The following SKI variants were observed in gnomAD, a reference collection of about 807,000 sequenced individuals.
SKI encodes the protein SKI proto-oncogene, also known as ski oncogene.
Under a neutral mutation model 59.3 loss-of-function variants are expected in SKI, and 23 were observed. That is an observed-to-expected ratio of 0.39 (90% CI 0.28 to 0.55). The LOEUF is 0.55. Ranked by LOEUF, SKI falls within the 20% of genes least tolerant of loss-of-function variation. The pLI is 0.67. For missense variants in SKI, 1,017 were observed against 1,038.9 expected, an observed-to-expected ratio of 0.98 and a Z score of 0.29; for synonymous variants, 673 against 488.6, an observed-to-expected ratio of 1.38 and a Z score of -4.98.
chr1:2,233,192 C>T (rs1448075634), intron 1 of SKI, among the ~76,000 whole-genome samples: 1 of 150,140 alleles, frequency 6.7e-6, no homozygotes, highest in African/African-American at 2.5e-5. Flanking sequence ...AAGGGGGGGT[C>T]CTGCTCCGAG....
intron 1 of SKI, among the ~76,000 whole-genome samples, chr1:2,235,602 G>C (rs1638735710): frequency 6.6e-6 from 1 of 152,244 alleles, no homozygotes; most frequent in Admixed American, 6.5e-5. Flanking sequence ...TGGTTTCACT[G>C]TGTGGTACTT....
chr1:2,292,730 G>A (rs1640190542), intron 1 of SKI, among the ~76,000 whole-genome samples: 1 of 152,230 alleles, frequency 6.6e-6, no homozygotes, highest in African/African-American at 2.4e-5. Flanking sequence ...CTCTGCCTGT[G>A]CCCCTGCTGG....
chr1:2,263,506 G>A (rs746520001), intron 1 of SKI, among the ~76,000 whole-genome samples: 58 of 151,848 alleles, frequency 3.8e-4, no homozygotes, highest in Non-Finnish European at 7.7e-4. Flanking sequence ...CAAAGTGCTG[G>A]GATTACAGGC....
intron 1 of SKI, among the ~76,000 whole-genome samples, chr1:2,298,385 G>T (rs1366474121): frequency 2.0e-5 from 3 of 152,142 alleles, no homozygotes; most frequent in Non-Finnish European, 2.9e-5. Flanking sequence ...CATCATCATG[G>T]CTGCTGCTGT....
chr1:2,303,959 A>G lies in SKI; in HGVS notation c.1331A>G (p.Glu444Gly). ...PCAAAVSRAP[E>G]PLATCTQPRK... ...GCCGCCGCCGTCTCCCGGGCCCCCGAGCCTCTCGCCACTTGCACCCAGCCT... is the reference window on the plus strand; with the variant it reads ...GCCGCCGCCGTCTCCCGGGCCCCCGGGCCTCTCGCCACTTGCACCCAGCCT... The change falls in exon 4 of 7, where the codon GAG becomes GGG. Residue 444 changes from glutamate (E) to glycine (G), a missense_variant. By Grantham distance (98) the Glu-to-Gly change is moderately conservative. Transcript: ENST00000378536. The surrounding 1 kb of genome is among the most constrained non-coding windows in gnomAD (Gnocchi z 5.6). The G allele has an allele frequency of 6.2e-7, 1 of 1,612,122 alleles. No homozygotes were observed. The highest frequency in any genetic ancestry group is 8.5e-7 in the Non-Finnish European group (1 of 1,179,698).
chr1:2,242,824 A>G (rs1266981184), intron 1 of SKI, among the ~76,000 whole-genome samples: 1 of 152,022 alleles, frequency 6.6e-6, no homozygotes, highest in African/African-American at 2.4e-5. Flanking sequence ...TATTTTTCGT[A>G]ATTGGATTTT....
At chr1:2,287,320 G>A (rs1371263173) in intron 1 of SKI, among the ~76,000 whole-genome samples, 2 of 149,294 alleles carry the variant, frequency 1.3e-5, no homozygotes, top group Non-Finnish European at 1.5e-5. Flanking sequence ...CCAATTTGGT[G>A]AGAAATGGAA....
At position 2,268,182 on chromosome 1, in the gene SKI, G is replaced by C. The variant is rs1020668121; in HGVS notation, c.970-34796G>C. On this transcript the variant is annotated intron_variant, in intron 1 of 6. Coordinates refer to ENST00000378536, the MANE Select transcript of SKI (RefSeq NM_003036.4). The surrounding 1 kb of genome is among the most constrained non-coding windows in gnomAD (Gnocchi z 5.0). ...GCCCTGGCTCTGTGGGTGGGTGGCT[G>C]TGCTGCCGCTGCTGTCGCCCATCCT... Among the ~76,000 whole-genome samples the C allele has an allele frequency of 7.2e-5, 11 of 152,230 alleles. No individual in the cohort carries two copies. Among genetic ancestry groups the C allele is most frequent in the Non-Finnish European group, 1.6e-4 (11 of 68,028 alleles).
chr1:2,232,544 C>T (rs1476025639), intron 1 of SKI: 1 of 152,266 alleles, frequency 6.6e-6, no homozygotes, highest in African/African-American at 2.4e-5. Context: ...AGACAGTCTT[C>T]CTCCAGATGC....
intron 1 of SKI, among the ~76,000 whole-genome samples, chr1:2,294,010 T>C (rs976251736): frequency 1.3e-5 from 2 of 152,202 alleles, no homozygotes; most frequent in Non-Finnish European, 2.9e-5. Context: ...AGGCTCCCCA[T>C]GTTTTCTGAG....
chr1:2,303,681 A>G lies in SKI; in HGVS notation c.1212-159A>G, dbSNP rs921354103. On this transcript the variant is annotated intron_variant, in intron 3 of 6. Coordinates refer to ENST00000378536, the MANE Select transcript of SKI (RefSeq NM_003036.4). The surrounding 1 kb of genome is among the most constrained non-coding windows in gnomAD (Gnocchi z 5.6). ...TTCGCAAGAGACCCAGCAAGCAGAAAACGCTTACGGGTTCTTAGGGAACTG... is the reference window on the plus strand; with the variant it reads ...TTCGCAAGAGACCCAGCAAGCAGAAGACGCTTACGGGTTCTTAGGGAACTG... 2.9e-6 allele frequency: 3 copies of G among 1,042,048 alleles called. No individual in the cohort carries two copies. The highest frequency in any genetic ancestry group is 3.0e-4 in the Middle Eastern group (1 of 3,292). The allele number at this position is 1,042,048 out of a possible 1,614,324, so 64.6% of individuals were successfully genotyped here.
intron 1 of SKI, chr1:2,240,568 G>A (rs1638848663): frequency 4.1e-6 from 4 of 985,442 alleles, no homozygotes; most frequent in Non-Finnish European, 4.8e-6. Context: ...GGCCATCGAG[G>A]CTCCCAGAAG....
At chr1:2,280,106 T>C (rs559065467) in intron 1 of SKI, among the ~76,000 whole-genome samples, 31 of 152,132 alleles carry the variant, frequency 2.0e-4, no homozygotes, top group East Asian at 1.7e-3. Flanking sequence ...TGGTGGCTCA[T>C]GCCTGTAATC....
At chr1:2,266,107 C>T (rs1639495143) in intron 1 of SKI, among the ~76,000 whole-genome samples, 2 of 152,058 alleles carry the variant, frequency 1.3e-5, no homozygotes, top group African/African-American at 4.8e-5. Flanking sequence ...AGGGCTCATT[C>T]TAGGCCTGAT....
At chr1:2,292,886 G>A (rs976783378) in intron 1 of SKI, among the ~76,000 whole-genome samples, 4 of 152,194 alleles carry the variant, frequency 2.6e-5, no homozygotes, top group Admixed American at 1.3e-4. Context: ...TGGCGGGGCC[G>A]CTGAGCCAAA....
At chr1:2,301,291 C>T (rs1361525086) in intron 1 of SKI, among the ~76,000 whole-genome samples, 7 of 152,212 alleles carry the variant, frequency 4.6e-5, no homozygotes, top group Admixed American at 1.3e-4. Flanking sequence ...CCTCGAAAGC[C>T]GCCACATAGA....
At chr1:2,251,701 G>A (rs1557820921) in intron 1 of SKI, among the ~76,000 whole-genome samples, 2 of 152,252 alleles carry the variant, frequency 1.3e-5, no homozygotes, top group African/African-American at 2.4e-5. Context: ...GGAACCCAAT[G>A]TATGTGATAG....
intron 1 of SKI, among the ~76,000 whole-genome samples, chr1:2,230,244 G>A (rs1638603788): frequency 6.6e-6 from 1 of 152,242 alleles, no homozygotes; most frequent in African/African-American, 2.4e-5. Context: ...GGTGAGGCGA[G>A]GCCTGGTTTT....
Position 2,296,975 on chromosome 1 carries a change from C to T in SKI, c.970-6003C>T, listed in dbSNP as rs141193603. 3.0e-3 allele frequency among the ~76,000 whole-genome samples: 453 copies of T among 152,200 alleles called. 2 individuals carry two copies. The highest frequency in any genetic ancestry group is 0.01 in the African/African-American group (435 of 41,556). ...CATACCGTGCTGTTCCCACAAGGCCCGTGGCCTCTGCAGGTGAGAATTGGT... is the reference window on the plus strand; with the variant it reads ...CATACCGTGCTGTTCCCACAAGGCCTGTGGCCTCTGCAGGTGAGAATTGGT... On this transcript the variant is annotated intron_variant, in intron 1 of 6. Coordinates refer to ENST00000378536, the MANE Select transcript of SKI (RefSeq NM_003036.4).
Sources: gnomAD v4.1 joint callset for allele counts (sites outside exome capture counted in the v4.1 genomes callset) on GRCh38, gnomAD v4.1.1 for gene constraint, Gnocchi (gnomAD v3.1) non-coding constraint, MANE v1.5 for transcripts, NCBI Gene and HGNC (gene_info 2026-07-23, HGNC 2026-07-21) for gene names.